The following PDE4D variants were observed in gnomAD, a reference collection of about 807,000 sequenced individuals.
The protein encoded by PDE4D is phosphodiesterase 4D, also known as 3',5'-cyclic-AMP phosphodiesterase 4D.
PDE4D carries 24 observed loss-of-function variants against 87.4 expected under a neutral mutation model. The ratio of observed to expected loss-of-function variants is 0.27; its 90% CI spans 0.20 to 0.39. The LOEUF is 0.39. Ranked by LOEUF, PDE4D falls within the 10% of genes least tolerant of loss-of-function variation. PDE4D has a pLI of 1.00. For missense variants in PDE4D, 714 were observed against 1,041.0 expected (o/e 0.69, Z 4.32); for synonymous variants, 384 against 383.2 (o/e 1.00, Z -0.02).
At chr5:59,213,936 C>T (rs941938381) in intron 2 of PDE4D, among the ~76,000 whole-genome samples, 21 of 151,442 alleles carry the variant, frequency 1.4e-4, no homozygotes, top group African/African-American at 5.1e-4. Flanking sequence ...TCACCATGTA[C>T]GTACATCACC....
chr5:59,805,181 A>AT (rs1767603476), intron 1 of PDE4D, among the ~76,000 whole-genome samples: 1 of 152,214 alleles, frequency 6.6e-6, no homozygotes, highest in Non-Finnish European at 1.5e-5. Flanking sequence ...CTGGTTTGGA[A>AT]AATAAAACAG....
At chr5:59,460,717 C>G (rs1296400298) in intron 1 of PDE4D, among the ~76,000 whole-genome samples, 2 of 152,156 alleles carry the variant, frequency 1.3e-5, no homozygotes, top group African/African-American at 2.4e-5. Flanking sequence ...CAAGCCTGGA[C>G]AGCTGACTTT....
At chr5:60,357,500 T>C (rs1759719715) in intron 1 of PDE4D, among the ~76,000 whole-genome samples, 1 of 152,216 alleles carries the variant, frequency 6.6e-6, no homozygotes, top group South Asian at 2.1e-4. Flanking sequence ...CAATTTCAAC[T>C]CATTAAAAAA....
Position 60,051,819 on chromosome 5 carries a change from G to T in PDE4D, c.43-63102C>A, listed in dbSNP as rs975202340. Reference sequence around the variant, plus strand: ...CCAGACTAATAAAGAAGAAAAGAGAGAAGAATCAAATAGACACAATAAAAA... The same window carrying T: ...CCAGACTAATAAAGAAGAAAAGAGATAAGAATCAAATAGACACAATAAAAA... On this transcript the variant is annotated intron_variant, in intron 2 of 16. Coordinates refer to the PDE4D transcript ENST00000502484. Among the ~76,000 whole-genome samples the T allele has an allele frequency of 2.8e-4, 43 of 151,262 alleles. 1 individual carries two copies. The highest frequency in any genetic ancestry group is 6.6e-5 in the Admixed American group (1 of 15,210).
chr5:60,468,616 G>C (rs1561289392), intron 1 of PDE4D, among the ~76,000 whole-genome samples: 1 of 146,784 alleles, frequency 6.8e-6, no homozygotes, highest in Admixed American at 6.8e-5. Flanking sequence ...CTTGCCTTCA[G>C]TTTTTTTTTT....
intron 5 of PDE4D, among the ~76,000 whole-genome samples, chr5:59,167,439 C>T (rs1782083494): frequency 6.6e-6 from 1 of 152,142 alleles, no homozygotes; most frequent in South Asian, 2.1e-4. Flanking sequence ...TCTGAGGTCT[C>T]GGTTTCACGA....
At chr5:59,702,620 G>A (rs949009343) in intron 1 of PDE4D, among the ~76,000 whole-genome samples, 6 of 151,844 alleles carry the variant, frequency 4.0e-5, no homozygotes, top group East Asian at 1.9e-4. Flanking sequence ...TGTAATGCCC[G>A]CACTTTGGGA....
chr5:60,222,215 T>C (rs1172124580), intron 1 of PDE4D, among the ~76,000 whole-genome samples: 1 of 152,094 alleles, frequency 6.6e-6, no homozygotes, highest in African/African-American at 2.4e-5. Context: ...CACGCAGCAG[T>C]ATATGGGATC....
At chr5:59,603,742 G>C (rs1465494765) in intron 1 of PDE4D, among the ~76,000 whole-genome samples, 1 of 151,928 alleles carries the variant, frequency 6.6e-6, no homozygotes, top group East Asian at 1.9e-4. Flanking sequence ...ATTACCAGGG[G>C]CTGGGGCAAC....
chr5:59,334,528 G>T (rs181089875), intron 1 of PDE4D, among the ~76,000 whole-genome samples: 1 of 152,164 alleles, frequency 6.6e-6, no homozygotes, highest in African/African-American at 2.4e-5. Flanking sequence ...AAAGTGCTAG[G>T]ATTACAGGTG....
At chr5:59,184,563 T>TTA (rs1554091228) in intron 4 of PDE4D, among the ~76,000 whole-genome samples, 27 of 151,954 alleles carry the variant, frequency 1.8e-4, no homozygotes, top group African/African-American at 2.9e-4. Context: ...AGATTTTTTT[T>TTA]AAAAAAATGG....
intron 1 of PDE4D, among the ~76,000 whole-genome samples, chr5:60,365,937 G>A (rs925133053): frequency 6.6e-6 from 1 of 151,750 alleles, no homozygotes; most frequent in South Asian, 2.1e-4. Flanking sequence ...CCAGCTACTC[G>A]GGAGGCTGAG....
chr5:60,470,978 C>T (rs2150192351), intron 1 of PDE4D, among the ~76,000 whole-genome samples: 1 of 152,202 alleles, frequency 6.6e-6, no homozygotes, highest in Admixed American at 6.6e-5. Context: ...TTTTGTAAGG[C>T]TGTAGCTGCC....
At chr5:59,741,285 G>A (rs968018957) in intron 1 of PDE4D, among the ~76,000 whole-genome samples, 26 of 152,120 alleles carry the variant, frequency 1.7e-4, no homozygotes, top group African/African-American at 6.0e-4. Context: ...ATCTCTGAAA[G>A]GTCCCTTCTT....
chr5:60,183,619 G>C (rs1294632609), intron 2 of PDE4D, among the ~76,000 whole-genome samples: 1 of 152,130 alleles, frequency 6.6e-6, no homozygotes, highest in Admixed American at 6.5e-5. Context: ...CATGTAGGGA[G>C]GAACAGAGAC....
intron 1 of PDE4D, among the ~76,000 whole-genome samples, chr5:60,423,283 C>T (rs893438365): frequency 2.6e-5 from 4 of 152,156 alleles, no homozygotes; most frequent in Non-Finnish European, 5.9e-5. Context: ...AAATTGACCA[C>T]ATAATTGGAA....
At chr5:59,822,100 G>C (rs17830249) in intron 1 of PDE4D, among the ~76,000 whole-genome samples, 34,127 of 152,046 alleles carry the variant, frequency 0.22, 4,868 homozygotes, top group Admixed American at 0.34. Context: ...ACAGGCTACT[G>C]TTTATTTAAT....
intron 1 of PDE4D, among the ~76,000 whole-genome samples, chr5:59,343,887 T>C (rs1349963120): frequency 6.6e-6 from 1 of 152,130 alleles, no homozygotes; most frequent in Non-Finnish European, 1.5e-5. Flanking sequence ...GAAATCTAGT[T>C]CAGCCGGCTG....
intron 1 of PDE4D, among the ~76,000 whole-genome samples, chr5:59,621,816 T>A (rs921038557): frequency 1.3e-4 from 20 of 152,190 alleles, no homozygotes; most frequent in Admixed American, 1.3e-3. Flanking sequence ...AAGAATATGA[T>A]GCTAAATTAG....
Sources: allele counts gnomAD v4.1 joint callset (sites outside exome capture counted in the v4.1 genomes callset), GRCh38; gene constraint gnomAD v4.1.1; transcripts MANE v1.5; gene names NCBI Gene and HGNC (gene_info 2026-07-23, HGNC 2026-07-21).